Variants in RBFOX1 observed in about 807,000 individuals in gnomAD.
RBFOX1 encodes RNA binding fox-1 homolog 1, also known as RNA binding protein fox-1 homolog 1.
In RBFOX1, 8 loss-of-function variants were observed where a neutral mutation model predicts 57.7. The ratio of observed to expected loss-of-function variants is 0.14; its 90% CI spans 0.08 to 0.25. The LOEUF (loss-of-function observed/expected upper bound fraction) is 0.25. RBFOX1 is among the 10% of genes least tolerant of loss of function. The pLI, the probability that RBFOX1 is intolerant of heterozygous loss-of-function variation, is 1.00. For synonymous variants in RBFOX1, 326 were observed against 222.4 expected, an observed-to-expected ratio of 1.47 and a Z score of -4.15; for missense variants, 611 against 548.5, an observed-to-expected ratio of 1.11 and a Z score of -1.14.
chr16:7,024,525 C>A (rs565036041), intron 3 of RBFOX1, among the ~76,000 whole-genome samples: 1 of 152,038 alleles, frequency 6.6e-6, no homozygotes, highest in Non-Finnish European at 1.5e-5. Context: ...TGCAAAAATT[C>A]TTTGTAGATG....
intron 3 of RBFOX1, among the ~76,000 whole-genome samples, chr16:6,981,890 C>G (rs967689824): frequency 6.6e-6 from 1 of 152,178 alleles, no homozygotes; most frequent in East Asian, 1.9e-4. Context: ...CACATCTTGG[C>G]TATTGTGAAT....
chr16:5,452,269 C>G (rs918176337), intron 1 of RBFOX1, among the ~76,000 whole-genome samples: 5 of 151,974 alleles, frequency 3.3e-5, no homozygotes, highest in Admixed American at 6.6e-5. Flanking sequence ...CAGGCATGCA[C>G]CACCACGCCC....
At position 7,348,955 on chromosome 16, in the gene RBFOX1, A is replaced by G. The variant is rs556850844; in HGVS notation, c.28-169192A>G. Among the ~76,000 whole-genome samples the G allele has an allele frequency of 7.9e-5, 12 of 152,268 alleles. No homozygotes were observed. In the East Asian group the frequency reaches 2.3e-3, roughly 29 times the overall value. The stretch of plus-strand genomic sequence containing the variant: ...AGACTCCACCTCAAAGAAAAAAAGA[A>G]TGAAGAGAGAGGCAGAGATTGATCG... On this transcript the variant is annotated intron_variant, in intron 4 of 15. Coordinates refer to ENST00000550418, the MANE Select transcript of RBFOX1 (RefSeq NM_018723.4).
intron 4 of RBFOX1, among the ~76,000 whole-genome samples, chr16:5,887,263 G>A (rs140276766): frequency 3.3e-5 from 5 of 152,148 alleles, no homozygotes; most frequent in African/African-American, 1.2e-4. Flanking sequence ...AGCATTCGTG[G>A]TACCTGGCCC....
intron 4 of RBFOX1, among the ~76,000 whole-genome samples, chr16:7,078,786 G>A (rs1005582240): frequency 6.9e-6 from 1 of 145,114 alleles, no homozygotes; most frequent in African/African-American, 2.5e-5. Context: ...GAGTTCAAGC[G>A]ATTCTCCTGC....
downstream of RBFOX1, among the ~76,000 whole-genome samples, chr16:5,604,752 C>T (rs1014255421): frequency 1.3e-5 from 2 of 152,142 alleles, no homozygotes; most frequent in African/African-American, 4.8e-5. Context: ...CTATTTCTCT[C>T]CAGCATTTTC....
chr16:5,971,281 A>G (rs1011471419), intron 4 of RBFOX1, among the ~76,000 whole-genome samples: 3 of 152,252 alleles, frequency 2.0e-5, no homozygotes, highest in Admixed American at 6.5e-5. Flanking sequence ...TTAGGCTCCC[A>G]TAACAGTCCT....
At chr16:7,409,231 A>G (rs1161349390) in intron 4 of RBFOX1, among the ~76,000 whole-genome samples, 2 of 152,170 alleles carry the variant, frequency 1.3e-5, no homozygotes, top group Non-Finnish European at 2.9e-5. Flanking sequence ...ATGTGGTCTT[A>G]TCAGGCTGAG....
intron 3 of RBFOX1, among the ~76,000 whole-genome samples, chr16:6,803,314 A>C (rs145395795): frequency 1.3e-5 from 2 of 152,280 alleles, no homozygotes; most frequent in African/African-American, 4.8e-5. Context: ...TTGTTTCCTT[A>C]GTCATTGGAA....
chr16:7,019,725 C>A (rs574306779), intron 3 of RBFOX1, among the ~76,000 whole-genome samples: 4 of 152,308 alleles, frequency 2.6e-5, no homozygotes, highest in Admixed American at 2.6e-4. Flanking sequence ...AGAGAACAAG[C>A]TTGGTTTCAA....
At chr16:6,511,277 A>G (rs1316159300) in intron 2 of RBFOX1, among the ~76,000 whole-genome samples, 1 of 152,174 alleles carries the variant, frequency 6.6e-6, no homozygotes, top group Non-Finnish European at 1.5e-5. Context: ...ATAGGGAGGA[A>G]TAGGCCAGTG....
intron 3 of RBFOX1, among the ~76,000 whole-genome samples, chr16:5,643,372 A>G (rs1295782111): frequency 6.6e-6 from 1 of 152,100 alleles, no homozygotes; most frequent in Non-Finnish European, 1.5e-5. Flanking sequence ...AACCTTAGGC[A>G]TTATCATTTC....
chr16:6,155,620 A>T (rs1160382085), intron 1 of RBFOX1, among the ~76,000 whole-genome samples: 1 of 152,164 alleles, frequency 6.6e-6, no homozygotes, highest in Non-Finnish European at 1.5e-5. Context: ...AATGACTTTA[A>T]GGTCTCAAAG....
intron 4 of RBFOX1, among the ~76,000 whole-genome samples, chr16:7,442,008 A>C (rs184833398): frequency 6.6e-6 from 1 of 152,188 alleles, no homozygotes; most frequent in Admixed American, 6.5e-5. Context: ...TGTCAGCACA[A>C]ATGAGCTTTT....
At chr16:5,647,808 C>A (rs1234375548) in intron 3 of RBFOX1, among the ~76,000 whole-genome samples, 4 of 152,164 alleles carry the variant, frequency 2.6e-5, no homozygotes, top group Non-Finnish European at 5.9e-5. Flanking sequence ...TTTTAAAAAT[C>A]TCTGCTTCCC....
chr16:6,161,776 T>C (rs568721997), intron 1 of RBFOX1, among the ~76,000 whole-genome samples: 154 of 152,326 alleles, frequency 1.0e-3, no homozygotes, highest in Middle Eastern at 6.8e-3. Context: ...TGCTCCAAGA[T>C]TGAAATTTCC....
chr16:7,150,466 C>T (rs940234506), intron 4 of RBFOX1, among the ~76,000 whole-genome samples: 4 of 152,154 alleles, frequency 2.6e-5, no homozygotes, highest in African/African-American at 9.7e-5. Flanking sequence ...GCCACAACTT[C>T]CACCATTATT....
chr16:6,559,606 A>G lies in RBFOX1; in HGVS notation c.-63-94997A>G, dbSNP rs149314053. On this transcript the variant is annotated intron_variant, in intron 2 of 15. Transcript: ENST00000550418. ...AAATAGGACGTGTGGGTGTATGTGT[A>G]TATATATACATACATACATGTATAC... Among the ~76,000 whole-genome samples, 496 of 138,816 alleles carry G rather than the reference A, an allele frequency of 3.6e-3. 1 individual carries two copies. Among genetic ancestry groups the G allele is most frequent in the African/African-American group, 0.012 (479 of 38,650 alleles). The allele number at this position is 138,816 out of a possible 152,430, so 91.1% of individuals were successfully genotyped here.
At chr16:5,755,217 G>C (rs2053350610) in intron 3 of RBFOX1, among the ~76,000 whole-genome samples, 2 of 137,194 alleles carry the variant, frequency 1.5e-5, no homozygotes, top group South Asian at 2.7e-4. Flanking sequence ...GAGAGCACGG[G>C]GTTGGGGGTA....
Sources: allele counts gnomAD v4.1 joint callset (sites outside exome capture counted in the v4.1 genomes callset), GRCh38; gene constraint gnomAD v4.1.1; transcripts MANE v1.5; gene names NCBI Gene and HGNC (gene_info 2026-07-23, HGNC 2026-07-21).